CHST8: variants seen among roughly 807,000 people sequenced by gnomAD.
The protein encoded by CHST8 is GALNAC-4-ST1.
CHST8 carries 10 observed loss-of-function variants against 15.0 expected under a neutral mutation model. The observed-to-expected ratio is 0.67, with a 90% CI of 0.41 to 1.13. CHST8 has a LOEUF of 1.13. Ranked by LOEUF, CHST8 falls within the 50% of genes most tolerant of loss-of-function variation. The pLI is 0.00. For synonymous variants in CHST8, 259 were observed against 256.6 expected (o/e 1.01, Z -0.09); for missense variants, 634 against 608.2 (o/e 1.04, Z -0.45).
At chr19:33,724,626 G>A (rs2145315780) in intron 3 of CHST8, among the ~76,000 whole-genome samples, 1 of 152,334 alleles carries the variant, frequency 6.6e-6, no homozygotes, top group African/African-American at 2.4e-5. Flanking sequence ...TGCCTCGGAA[G>A]GCCCTGGAGG....
intron 2 of CHST8, among the ~76,000 whole-genome samples, chr19:33,675,376 A>C (rs897297995): frequency 6.6e-6 from 1 of 152,192 alleles, no homozygotes; most frequent in Non-Finnish European, 1.5e-5. Context: ...CCATTGAACC[A>C]TGAAGGGAGC....
chr19:33,712,729 T>C (rs1448664715), intron 3 of CHST8, among the ~76,000 whole-genome samples: 1 of 152,122 alleles, frequency 6.6e-6, no homozygotes, highest in Non-Finnish European at 1.5e-5. Flanking sequence ...GAGCACTCCC[T>C]CTATCCTGAG....
intron 3 of CHST8, among the ~76,000 whole-genome samples, chr19:33,759,316 G>A (rs549491337): frequency 8.5e-5 from 13 of 152,362 alleles, no homozygotes; most frequent in African/African-American, 2.9e-4. Context: ...GACCAAATGA[G>A]GTGCCTTCCT....
At chr19:33,692,057 A>G (rs778135539) in intron 3 of CHST8, among the ~76,000 whole-genome samples, 5 of 152,164 alleles carry the variant, frequency 3.3e-5, no homozygotes, top group Non-Finnish European at 7.3e-5. Context: ...CCTGAACTTT[A>G]CATGGATCAG....
At chr19:33,746,475 C>A (rs2145349317) in intron 3 of CHST8, among the ~76,000 whole-genome samples, 1 of 152,328 alleles carries the variant, frequency 6.6e-6, no homozygotes, top group African/African-American at 2.4e-5. Context: ...GCTGATTTTG[C>A]ACAGCAAAAT....
At chr19:33,712,598 G>C (rs191201971) in intron 3 of CHST8, among the ~76,000 whole-genome samples, 6 of 152,190 alleles carry the variant, frequency 3.9e-5, no homozygotes, top group African/African-American at 1.4e-4. Context: ...GGAACTTGCC[G>C]TTAGTCCATT....
intron 3 of CHST8, among the ~76,000 whole-genome samples, chr19:33,720,361 A>G (rs1346263734): frequency 6.6e-6 from 1 of 150,998 alleles, no homozygotes; most frequent in Non-Finnish European, 1.5e-5. Context: ...CCACACATGC[A>G]TCACACATAC....
intron 1 of CHST8, among the ~76,000 whole-genome samples, chr19:33,647,792 G>A (rs572734482): frequency 6.6e-6 from 1 of 152,142 alleles, no homozygotes; most frequent in East Asian, 1.9e-4. Flanking sequence ...GTTGCAGTGA[G>A]CCGAGATCAT....
intron 1 of CHST8, among the ~76,000 whole-genome samples, chr19:33,636,260 C>A (rs1972199669): frequency 6.6e-6 from 1 of 152,140 alleles, no homozygotes; most frequent in Non-Finnish European, 1.5e-5. Context: ...GGACCTCTCG[C>A]GCAAGGTTTA....
At chr19:33,681,870 C>CTT (rs113510674) in intron 2 of CHST8, among the ~76,000 whole-genome samples, 1 of 139,436 alleles carries the variant, frequency 7.2e-6, no homozygotes, top group Non-Finnish European at 1.6e-5. Context: ...TTGGGTTTTG[C>CTT]TTTTTTTTTT....
intron 1 of CHST8, among the ~76,000 whole-genome samples, chr19:33,655,091 C>T (rs1335369171): frequency 2.0e-5 from 3 of 152,292 alleles, no homozygotes; most frequent in Admixed American, 1.3e-4. Flanking sequence ...GGCTAGAATG[C>T]AGTGGTGTGA....
chr19:33,760,138 G>A (rs988301886), intron 3 of CHST8, among the ~76,000 whole-genome samples: 2 of 152,004 alleles, frequency 1.3e-5, no homozygotes, highest in Admixed American at 1.3e-4. Flanking sequence ...ATCTCAGAAT[G>A]GTCCTTAAAT....
chr19:33,625,983 G>A (rs1181881405), intron 1 of CHST8, among the ~76,000 whole-genome samples: 3 of 152,196 alleles, frequency 2.0e-5, no homozygotes, highest in Non-Finnish European at 2.9e-5. Flanking sequence ...GGTGACAGTA[G>A]GCTGTTTGGT....
chr19:33,725,453 G>A (rs1973875065), intron 3 of CHST8, among the ~76,000 whole-genome samples: 1 of 152,170 alleles, frequency 6.6e-6, no homozygotes, highest in South Asian at 2.1e-4. Context: ...AGTGGCCCAG[G>A]GTCCCTGCTG....
In CHST8 at chr19:33,655,535, T is replaced by C. The variant is rs567836443; in HGVS notation, c.-163-12232T>C. ...ATAGAAAATGTCTGTTCCTTGAAGG[T>C]TTGAAACTGCCTGAGGACAGTGCCT... is the stretch of plus-strand genomic sequence containing the variant. On this transcript the variant is annotated intron_variant, in intron 1 of 4. Coordinates refer to ENST00000650847, the MANE Select transcript of CHST8 (RefSeq NM_001127895.2). Among the ~76,000 whole-genome samples, 101 of 152,336 alleles carry C rather than the reference T, an allele frequency of 6.6e-4. 1 individual carries two copies. The Middle Eastern group carries it at 0.017, about 26-fold the overall frequency.
chr19:33,689,543 A>G, intron 3 of CHST8, 152 bp downstream of exon 3: 1 of 910,714 alleles, frequency 1.1e-6, no homozygotes, highest in Non-Finnish European at 1.6e-6. Context: ...TTCCCGGGGA[A>G]GGCGTTAGTC....
At chr19:33,649,025 A>G (rs1972397067) in intron 1 of CHST8, among the ~76,000 whole-genome samples, 1 of 149,392 alleles carries the variant, frequency 6.7e-6, no homozygotes, top group South Asian at 2.1e-4. Flanking sequence ...TGCCTCAGCC[A>G]CCCGAGTAGC....
intron 1 of CHST8, among the ~76,000 whole-genome samples, chr19:33,627,074 G>A (rs1226147768): frequency 1.6e-5 from 2 of 125,740 alleles, no homozygotes; most frequent in Non-Finnish European, 3.2e-5. Context: ...GCAGATGTGA[G>A]CCAGCATGCC....
chr19:33,760,384 C>T (rs1457801116), intron 3 of CHST8, among the ~76,000 whole-genome samples: 1 of 151,050 alleles, frequency 6.6e-6, no homozygotes, highest in Non-Finnish European at 1.5e-5. Context: ...GTGGTGCAAT[C>T]ATAGCTCACT....
Sources: gnomAD v4.1 joint callset for allele counts (sites outside exome capture counted in the v4.1 genomes callset) on GRCh38, gnomAD v4.1.1 for gene constraint, MANE v1.5 for transcripts, NCBI Gene and HGNC (gene_info 2026-07-23, HGNC 2026-07-21) for gene names.